CYP7B1: variants seen among roughly 807,000 people sequenced by gnomAD.
CYP7B1 encodes cytochrome P450 7B1.
Under a neutral mutation model 42.7 loss-of-function variants are expected in CYP7B1, and 29 were observed. The observed-to-expected ratio is 0.68, with a 90% CI of 0.51 to 0.93. The LOEUF is 0.93. Among genes scored for constraint, CYP7B1 ranks in the 40% least tolerant of loss-of-function variants. The pLI, the probability that CYP7B1 is intolerant of heterozygous loss-of-function variation, is 0.00. For synonymous variants in CYP7B1, 235 were observed against 218.2 expected (o/e 1.08, Z -0.68); for missense variants, 655 against 600.5 (o/e 1.09, Z -0.95).
chr8:64,770,050 C>T (rs1048556101), intron 1 of CYP7B1, among the ~76,000 whole-genome samples: 5 of 151,982 alleles, frequency 3.3e-5, no homozygotes, highest in African/African-American at 9.7e-5. Flanking sequence ...CGTGTGTGGA[C>T]GCATGTGTGT....
At position 64,621,339 on chromosome 8, in the gene CYP7B1, C is replaced by T. The variant is rs74926515; in HGVS notation, c.259+3064G>A. ...CTTCACAATGTATTAAATGCTCCTA[C>T]AGAAGTGATACTGGGAGTAACTCGA... On this transcript the variant is annotated intron_variant, in intron 2 of 5. Coordinates refer to ENST00000310193, the MANE Select transcript of CYP7B1 (RefSeq NM_004820.5). Among the ~76,000 whole-genome samples the T allele has an allele frequency of 5.2e-3, 792 of 152,320 alleles. 2 individuals are homozygous for T. Among genetic ancestry groups the T allele is most frequent in the African/African-American group, 0.017 (721 of 41,578 alleles).
intron 1 of CYP7B1, among the ~76,000 whole-genome samples, chr8:64,764,289 T>C (rs1166065383): frequency 1.5e-5 from 2 of 133,038 alleles, no homozygotes; most frequent in Admixed American, 8.6e-5. Context: ...GGCTCCTTGG[T>C]CAGGGCCTTA....
chr8:64,684,455 T>C (rs1438699170), intron 1 of CYP7B1, among the ~76,000 whole-genome samples: 1 of 152,274 alleles, frequency 6.6e-6, no homozygotes, highest in Non-Finnish European at 1.5e-5. Flanking sequence ...GCCTAGTATA[T>C]GATAAACCCT....
chr8:64,639,320 G>T (rs528496770), intron 1 of CYP7B1, among the ~76,000 whole-genome samples: 44 of 152,162 alleles, frequency 2.9e-4, no homozygotes, highest in African/African-American at 9.1e-4. Context: ...TGGTATGAAA[G>T]AATTAAGTAG....
intron 1 of CYP7B1, among the ~76,000 whole-genome samples, chr8:64,645,269 T>C (rs915856421): frequency 2.0e-5 from 3 of 151,938 alleles, no homozygotes; most frequent in African/African-American, 7.3e-5. Context: ...CCTTTGGGTA[T>C]ATACCCAGTA....
intron 1 of CYP7B1, among the ~76,000 whole-genome samples, chr8:64,784,795 A>G (rs1179316649): frequency 6.6e-6 from 1 of 152,216 alleles, no homozygotes; most frequent in Non-Finnish European, 1.5e-5. Flanking sequence ...AAAGCAGGGA[A>G]ACACTTTACG....
chr8:64,630,196 G>A (rs764113433), intron 1 of CYP7B1, among the ~76,000 whole-genome samples: 2 of 152,138 alleles, frequency 1.3e-5, no homozygotes, highest in South Asian at 4.1e-4. Context: ...TTTTACAAAA[G>A]AGACTAGGTT....
chr8:64,667,564 T>C (rs1237445003), intron 1 of CYP7B1, among the ~76,000 whole-genome samples: 1 of 152,174 alleles, frequency 6.6e-6, no homozygotes, highest in African/African-American at 2.4e-5. Flanking sequence ...ATAACTATTA[T>C]TATCTGATCT....
At chr8:64,716,980 T>C (rs1807165484) in intron 1 of CYP7B1, among the ~76,000 whole-genome samples, 1 of 152,236 alleles carries the variant, frequency 6.6e-6, no homozygotes, top group Non-Finnish European at 1.5e-5. Flanking sequence ...TGTTGCTTCA[T>C]TTATTTTAAA....
chr8:64,654,699 A>G (rs1806094999), intron 1 of CYP7B1, among the ~76,000 whole-genome samples: 1 of 152,218 alleles, frequency 6.6e-6, no homozygotes, highest in Non-Finnish European at 1.5e-5. Context: ...ACCAAAAAAG[A>G]GCCCAAATAG....
chr8:64,740,954 T>C (rs1351414443), intron 1 of CYP7B1, among the ~76,000 whole-genome samples: 1 of 152,178 alleles, frequency 6.6e-6, no homozygotes, highest in African/African-American at 2.4e-5. Context: ...TTCTGTATCA[T>C]TTCTTCCAGA....
chr8:64,625,086 G>A (rs567474000), intron 1 of CYP7B1, among the ~76,000 whole-genome samples: 1 of 139,340 alleles, frequency 7.2e-6, no homozygotes, highest in East Asian at 2.4e-4. Flanking sequence ...CCATTCTCCC[G>A]CCTCAGCCTC....
At chr8:64,786,015 C>A (rs920537185) in intron 1 of CYP7B1, among the ~76,000 whole-genome samples, 1 of 152,084 alleles carries the variant, frequency 6.6e-6, no homozygotes, top group East Asian at 1.9e-4. Context: ...AGAACTCACA[C>A]ACTATCATGA....
intron 1 of CYP7B1, among the ~76,000 whole-genome samples, chr8:64,690,645 G>A (rs1806724316): frequency 6.6e-6 from 1 of 152,172 alleles, no homozygotes. Flanking sequence ...AGCATTTTCA[G>A]TAGTATATAT....
At chr8:64,757,737 C>G (rs1807828307) in intron 1 of CYP7B1, among the ~76,000 whole-genome samples, 1 of 152,220 alleles carries the variant, frequency 6.6e-6, no homozygotes, top group Non-Finnish European at 1.5e-5. Flanking sequence ...TGCCTCTGGG[C>G]TTCTTTGATA....
chr8:64,744,089 C>A (rs976649288), intron 1 of CYP7B1, among the ~76,000 whole-genome samples: 1 of 152,028 alleles, frequency 6.6e-6, no homozygotes, highest in African/African-American at 2.4e-5. Flanking sequence ...GAAATTACTT[C>A]TTGAAATAAA....
intron 1 of CYP7B1, among the ~76,000 whole-genome samples, chr8:64,718,293 T>G (rs899373617): frequency 1.3e-5 from 2 of 152,098 alleles, no homozygotes; most frequent in Non-Finnish European, 2.9e-5. Flanking sequence ...AATAACATAT[T>G]TGGAGCCATA....
At chr8:64,788,885 A>C (rs1191677052) in intron 1 of CYP7B1, among the ~76,000 whole-genome samples, 2 of 152,106 alleles carry the variant, frequency 1.3e-5, no homozygotes, top group African/African-American at 4.8e-5. Flanking sequence ...ATGTTAAGTG[A>C]GGACTTACTG....
chr8:64,647,708 A>T (rs1378182649), intron 1 of CYP7B1, among the ~76,000 whole-genome samples: 2 of 152,018 alleles, frequency 1.3e-5, no homozygotes, highest in Non-Finnish European at 2.9e-5. Context: ...AAAAGAGGAA[A>T]ATTCCTCCTC....
Sources: allele counts gnomAD v4.1 joint callset (sites outside exome capture counted in the v4.1 genomes callset), GRCh38; gene constraint gnomAD v4.1.1; transcripts MANE v1.5; gene names NCBI Gene and HGNC (gene_info 2026-07-23, HGNC 2026-07-21).